PROS1: variants seen among roughly 807,000 people sequenced by gnomAD.
PROS1 encodes the protein vitamin K-dependent protein S.
In PROS1, 29 loss-of-function variants were observed where a neutral mutation model predicts 75.9. The ratio of observed to expected loss-of-function variants is 0.38; its 90% confidence interval spans 0.28 to 0.52. The LOEUF is 0.52. Among genes scored for constraint, PROS1 ranks in the 20% least tolerant of loss-of-function variants. The pLI is 0.83. For synonymous variants in PROS1, 245 were observed against 280.6 expected (o/e 0.87, Z 1.27); for missense variants, 680 against 810.3 (o/e 0.84, Z 1.95).
chr3:93,900,848 C>A lies in PROS1; in HGVS notation c.683G>T (p.Cys228Phe). 1 of 1,613,974 alleles carries A rather than the reference C, an allele frequency of 6.2e-7. No individual in the cohort carries two copies. Among genetic ancestry groups the A allele is most frequent in the African/African-American group, 1.3e-5 (1 of 75,066 alleles). The part of the protein sequence containing the change: ...KNIPGDFECE[C>F]PEGYRYNLKS... The stretch of plus-strand genomic sequence containing the variant: ...GAGATTATATCTGTAGCCTTCGGGG[C>A]ATTCACATTCAAAATCTCCTGGGAT... The change falls in exon 7 of 15, where the codon TGC (cysteine) becomes TTC (phenylalanine). Residue 228 changes from cysteine to phenylalanine, a missense_variant. Physicochemically the swap from Cys to Phe is radical, Grantham distance 205 (BLOSUM62 -2). Transcript: ENST00000394236.
chr3:93,912,279 A>T (rs138093933), intron 3 of PROS1, among the ~76,000 whole-genome samples: 10 of 151,686 alleles, frequency 6.6e-5, no homozygotes, highest in African/African-American at 2.2e-4. Context: ...TCTACTACTG[A>T]CTCTAATCTC....
rs376384151 is a variant in PROS1, at chr3:93,965,251, C to CA, written c.76+8422dup. Among the ~76,000 whole-genome samples the CA allele has an allele frequency of 4.1e-3, 631 of 152,296 alleles. 7 individuals are homozygous for CA. The highest frequency in any genetic ancestry group is 0.014 in the African/African-American group (568 of 41,564). ...CTTCTGGTCTGTGTTTGTTACGGCT[C>CA]AAGCTGAGCTTTTGCTCGCCGTCCA... On this transcript the variant is annotated intron_variant, in intron 1 of 14. Coordinates refer to ENST00000394236, the MANE Select transcript of PROS1 (RefSeq NM_000313.4).
At chr3:93,901,649 T>C (rs147425593) in intron 6 of PROS1, among the ~76,000 whole-genome samples, 2 of 152,312 alleles carry the variant, frequency 1.3e-5, no homozygotes, top group African/African-American at 4.8e-5. Context: ...AAAATATGTT[T>C]TCTATTCTAA....
intron 1 of PROS1, among the ~76,000 whole-genome samples, chr3:93,945,753 C>T (rs533911166): frequency 1.3e-5 from 2 of 152,224 alleles, no homozygotes; most frequent in East Asian, 1.9e-4. Context: ...TGGCATAAAA[C>T]AGGGATGCCC....
intron 1 of PROS1, among the ~76,000 whole-genome samples, chr3:93,960,662 T>C (rs1709693355): frequency 6.6e-6 from 1 of 151,346 alleles, no homozygotes; most frequent in Admixed American, 6.6e-5. Context: ...AAATAATCTC[T>C]TATTTTGCCA....
chr3:93,956,454 G>C (rs1341919392), intron 1 of PROS1, among the ~76,000 whole-genome samples: 2 of 151,754 alleles, frequency 1.3e-5, no homozygotes, highest in African/African-American at 2.4e-5. Context: ...CTGAGATCAT[G>C]CCACTGCATT....
intron 1 of PROS1, among the ~76,000 whole-genome samples, chr3:93,933,413 A>C (rs528362782): frequency 6.6e-4 from 101 of 151,996 alleles, no homozygotes; most frequent in Non-Finnish European, 1.2e-3. Flanking sequence ...CATCTCTACA[A>C]AAAATTTAAA....
intron 1 of PROS1, among the ~76,000 whole-genome samples, chr3:93,948,306 G>GA (rs1489894807): frequency 6.6e-6 from 1 of 151,970 alleles, no homozygotes; most frequent in Non-Finnish European, 1.5e-5. Context: ...GCAATGAAAA[G>GA]AAAAAAATTG....
intron 1 of PROS1, among the ~76,000 whole-genome samples, chr3:93,934,453 T>A (rs888274492): frequency 6.6e-6 from 1 of 152,170 alleles, no homozygotes; most frequent in East Asian, 1.9e-4. Context: ...AGATTTTATA[T>A]TTTGTATCAC....
At chr3:93,972,445 T>A (rs545897365) in intron 1 of PROS1, among the ~76,000 whole-genome samples, 159 of 152,354 alleles carry the variant, frequency 1.0e-3, no homozygotes, top group African/African-American at 3.8e-3. Flanking sequence ...GAAATTTCCA[T>A]CTTCAAAAAG....
In PROS1 at chr3:93,877,120, T is replaced by C. The variant is rs767257726; in HGVS notation, c.1716A>G (p.Gln572=). The C allele has an allele frequency of 6.2e-6, 10 of 1,612,810 alleles. No homozygotes were observed. The South Asian group carries it at 1.1e-4, about 18-fold the overall frequency. Residue 572 remains glutamine (Q), a synonymous_variant, in exon 14 of 15, where the codon CAA becomes CAG. Coordinates refer to ENST00000394236, the MANE Select transcript of PROS1 (RefSeq NM_000313.4). Reference sequence around the variant, plus strand: ...TGTTGACTCTAAATTCCAGATGAGATTGTTGATCGGAACATAGACTTAGGG... The same window carrying C: ...TGTTGACTCTAAATTCCAGATGAGACTGTTGATCGGAACATAGACTTAGGG... The part of the protein sequence containing the change: ...IQALSLCSDQ[Q]SHLEFRVNRN...
chr3:93,969,122 CTT>C (rs773990991), intron 1 of PROS1, among the ~76,000 whole-genome samples: 128 of 114,320 alleles, frequency 1.1e-3, no homozygotes, highest in Middle Eastern at 4.7e-3. Flanking sequence ...CTTTTGTTTT[CTT>C]TTTTTTTTTT....
intron 3 of PROS1, among the ~76,000 whole-genome samples, chr3:93,913,588 C>T (rs867533954): frequency 3.3e-5 from 5 of 152,210 alleles, no homozygotes; most frequent in East Asian, 3.9e-4. Flanking sequence ...TGAACTAATA[C>T]GCTTTCCCTT....
intron 1 of PROS1, among the ~76,000 whole-genome samples, chr3:93,945,176 TA>T (rs1559947034): frequency 6.6e-6 from 1 of 151,708 alleles, no homozygotes. Context: ...AGCCTACCAA[TA>T]AAAAAAAGTC....
At chr3:93,886,704 CG>C (rs1358755824) in intron 10 of PROS1, among the ~76,000 whole-genome samples, 1 of 151,824 alleles carries the variant, frequency 6.6e-6, no homozygotes, top group African/African-American at 2.4e-5. Flanking sequence ...GGTGGCAGCA[CG>C]ATCAAAAATT....
chr3:93,875,390 C>T (rs561774861), intron 14 of PROS1, among the ~76,000 whole-genome samples: 1 of 152,038 alleles, frequency 6.6e-6, no homozygotes, highest in African/African-American at 2.4e-5. Context: ...TCAAATCTTC[C>T]CCACTCTTTC....
chr3:93,912,896 T>A (rs1470108338), intron 3 of PROS1, among the ~76,000 whole-genome samples: 1 of 152,196 alleles, frequency 6.6e-6, no homozygotes, highest in African/African-American at 2.4e-5. Flanking sequence ...CAGCACATAC[T>A]TTTTGAGGGT....
chr3:93,972,861 A>G (rs1157914729), intron 1 of PROS1, among the ~76,000 whole-genome samples: 1 of 152,148 alleles, frequency 6.6e-6, no homozygotes, highest in East Asian at 1.9e-4. Flanking sequence ...ACAAACAAAC[A>G]AAAAGGCGTT....
chr3:93,903,063 C>T (rs1708621429), intron 6 of PROS1, among the ~76,000 whole-genome samples: 1 of 152,016 alleles, frequency 6.6e-6, no homozygotes, highest in Admixed American at 6.5e-5. Flanking sequence ...GACGGGGTTT[C>T]AGCGTGTTAG....
Sources: gnomAD v4.1 joint callset for allele counts (sites outside exome capture counted in the v4.1 genomes callset) on GRCh38, gnomAD v4.1.1 for gene constraint, MANE v1.5 for transcripts, NCBI Gene and HGNC (gene_info 2026-07-23, HGNC 2026-07-21) for gene names.